The following MED27 variants were observed in gnomAD, a reference collection of about 807,000 sequenced individuals.
The protein encoded by MED27 is mediator complex subunit 27, also known as mediator of RNA polymerase II transcription subunit 27.
In MED27, 30 loss-of-function variants were observed where a neutral mutation model predicts 38.2. The observed-to-expected ratio is 0.79, with a 90% confidence interval of 0.59 to 1.07. MED27 has a LOEUF of 1.07. MED27 is among the 50% of genes least tolerant of loss of function. The pLI is 0.00. For synonymous variants in MED27, 122 were observed against 153.5 expected (o/e 0.79, Z 1.52); for missense variants, 289 against 397.5 (o/e 0.73, Z 2.32).
chr9:131,992,446 G>A (rs1304605032), intron 3 of MED27, among the ~76,000 whole-genome samples: 1 of 152,146 alleles, frequency 6.6e-6, no homozygotes, highest in Non-Finnish European at 1.5e-5. Context: ...CAGGCTGGAT[G>A]GAGTGCAGTG....
intron 2 of MED27, among the ~76,000 whole-genome samples, chr9:132,071,856 GCACACA>G (rs143064371): frequency 6.7e-6 from 1 of 149,940 alleles, no homozygotes; most frequent in Non-Finnish European, 1.5e-5. Flanking sequence ...CCATGAACAA[GCACACA>G]CACACACACG....
intron 3 of MED27, among the ~76,000 whole-genome samples, chr9:131,996,970 A>G (rs1014936869): frequency 6.6e-6 from 1 of 152,224 alleles, no homozygotes; most frequent in African/African-American, 2.4e-5. Context: ...TGGTAAGGCT[A>G]TTAGTAGTTA....
intron 6 of MED27, chr9:131,868,690 C>T: frequency 1.0e-6 from 1 of 985,510 alleles, no homozygotes. Flanking sequence ...AGGCCCAGGC[C>T]TCTGCCCACC....
rs1839090938 is a variant in MED27, at chr9:131,883,884, A to G, written c.723+174T>C. On this transcript the variant is annotated intron_variant, in intron 6 of 7. Transcript: ENST00000292035. The surrounding 1 kb of genome is among the most constrained non-coding windows in gnomAD (Gnocchi z 4.2). Reference sequence around the variant, plus strand: ...AACCACGGATCTGATTTCTGTCCCTAAGGTTTTGTTTTTTTCCAGAATGTC... The same window carrying G: ...AACCACGGATCTGATTTCTGTCCCTGAGGTTTTGTTTTTTTCCAGAATGTC... The G allele has an allele frequency of 3.4e-6, 2 of 591,246 alleles. No homozygotes were observed. Among genetic ancestry groups the G allele is most frequent in the Non-Finnish European group, 5.8e-6 (2 of 344,856 alleles). 36.6% of individuals were successfully genotyped at this position (591,246 alleles called of 1,614,324 possible).
chr9:132,055,537 T>C (rs1833557940), intron 2 of MED27, among the ~76,000 whole-genome samples: 1 of 152,104 alleles, frequency 6.6e-6, no homozygotes, highest in African/African-American at 2.4e-5. Flanking sequence ...GCAAAGACGA[T>C]TAGATCAAGG....
intron 3 of MED27, among the ~76,000 whole-genome samples, chr9:131,944,903 A>G (rs1424020009): frequency 6.6e-6 from 1 of 151,872 alleles, no homozygotes; most frequent in Non-Finnish European, 1.5e-5. Flanking sequence ...TCTGTACAAC[A>G]TTTTATATAC....
In MED27 at chr9:131,883,984, G is replaced by C. The variant is rs757683646; in HGVS notation, c.723+74C>G. ...ACTTTTTCAAAAGCCTCTGATTTGA[G>C]ACCAATGTTTAAACCTCAAAGCATT... On this transcript the variant is annotated intron_variant, in intron 6 of 7. Transcript: ENST00000292035. This position sits in a 1 kb window ranked among gnomAD's most constrained non-coding sequence, Gnocchi z 4.2. 3 of 1,307,802 alleles carry C rather than the reference G, an allele frequency of 2.3e-6. No individual in the cohort carries two copies. Among genetic ancestry groups the C allele is most frequent in the Non-Finnish European group, 3.3e-6 (3 of 918,802 alleles). 81.0% of individuals were successfully genotyped at this position (1,307,802 alleles called of 1,614,324 possible). A position where few individuals can be genotyped will look rare whatever the true frequency, so the allele number is the denominator to read the frequency against.
chr9:132,032,604 T>G (rs115087146), intron 2 of MED27, among the ~76,000 whole-genome samples: 1 of 152,228 alleles, frequency 6.6e-6, no homozygotes, highest in Non-Finnish European at 1.5e-5. Context: ...CCTAAGCAAA[T>G]AGGATTGTAA....
chr9:132,076,037 C>G (rs1405842954), intron 2 of MED27, among the ~76,000 whole-genome samples: 2 of 152,184 alleles, frequency 1.3e-5, no homozygotes, highest in East Asian at 3.8e-4. Flanking sequence ...CAGAGCCTGA[C>G]ATGGACACTG....
intron 3 of MED27, among the ~76,000 whole-genome samples, chr9:131,970,433 C>T (rs533816135): frequency 3.9e-5 from 6 of 152,306 alleles, no homozygotes; most frequent in South Asian, 2.1e-4. Flanking sequence ...GCTCTCTCCA[C>T]GGAAGAGCCC....
rs1450438714 is a variant in MED27, at chr9:132,079,683, C to A, written c.162G>T (p.Ala54=). 4.3e-6 allele frequency: 7 copies of A among 1,612,798 alleles called. No individual in the cohort carries two copies. The highest frequency in any genetic ancestry group is 2.2e-5 in the South Asian group (2 of 91,030). ...CCGAATGTAAGTTGTCCTGGAAGTG[C>A]GCAATAAAGGCCTTCTCCCGGCCCT... ...TLEGREKAFI[A]HFQDNLHSVN... Residue 54 remains alanine, a synonymous_variant, in exon 1 of 8, where the codon GCG becomes GCT. Transcript: ENST00000292035.
At chr9:132,075,178 A>C (rs141800190) in intron 2 of MED27, among the ~76,000 whole-genome samples, 217 of 152,364 alleles carry the variant, frequency 1.4e-3, no homozygotes, top group African/African-American at 4.4e-3. Flanking sequence ...TGAAAACCTT[A>C]AGCAAAACTG....
chr9:132,017,808 T>G (rs1014714936), intron 2 of MED27, among the ~76,000 whole-genome samples: 1 of 152,220 alleles, frequency 6.6e-6, no homozygotes, highest in African/African-American at 2.4e-5. Context: ...CTAAAGCCCT[T>G]TCTAACCAAT....
chr9:131,865,643 G>A (rs1838725060), intron 6 of MED27, among the ~76,000 whole-genome samples: 1 of 152,134 alleles, frequency 6.6e-6, no homozygotes, highest in Admixed American at 6.5e-5. Context: ...CCGTAGCTCC[G>A]TGTGTGACAC....
intron 4 of MED27, among the ~76,000 whole-genome samples, chr9:131,908,192 C>CA (rs2131531540): frequency 1.1e-4 from 1 of 8,926 alleles, no homozygotes; most frequent in Admixed American, 1.1e-3. Context: ...TCTGCCCGGC[C>CA]GCCCTACTGG....
chr9:132,053,378 A>T (rs1207959135), intron 2 of MED27, among the ~76,000 whole-genome samples: 1 of 152,172 alleles, frequency 6.6e-6, no homozygotes, highest in Admixed American at 6.5e-5. Context: ...TAGGATGAGC[A>T]CCAAAGATCT....
chr9:131,880,553 C>T (rs1385901048), intron 6 of MED27, among the ~76,000 whole-genome samples: 1 of 152,190 alleles, frequency 6.6e-6, no homozygotes, highest in Non-Finnish European at 1.5e-5. Flanking sequence ...AAGGCTTCTG[C>T]ACAAATACAC....
At chr9:131,934,910 C>CA (rs2131573844) in intron 4 of MED27, among the ~76,000 whole-genome samples, 1 of 152,278 alleles carries the variant, frequency 6.6e-6, no homozygotes, top group African/African-American at 2.4e-5. Context: ...TCATCTGCAA[C>CA]AACATGGGTG....
At chr9:132,045,869 T>C (rs1052157131) in intron 2 of MED27, among the ~76,000 whole-genome samples, 1 of 152,224 alleles carries the variant, frequency 6.6e-6, no homozygotes, top group Non-Finnish European at 1.5e-5. Flanking sequence ...TTAAAGCTCA[T>C]GAGTGTTCTC....
Sources: gnomAD v4.1 joint callset for allele counts (sites outside exome capture counted in the v4.1 genomes callset) on GRCh38, gnomAD v4.1.1 for gene constraint, Gnocchi (gnomAD v3.1) non-coding constraint, MANE v1.5 for transcripts, NCBI Gene and HGNC (gene_info 2026-07-23, HGNC 2026-07-21) for gene names.